Variants in SEMA5A observed in about 807,000 individuals in gnomAD.
SEMA5A encodes semaphorin 5A.
In SEMA5A, 55 loss-of-function variants were observed where a neutral mutation model predicts 135.5. That is an observed-to-expected ratio of 0.41 (90% CI 0.33 to 0.51). The LOEUF (loss-of-function observed/expected upper bound fraction) is 0.51. Among genes scored for constraint, SEMA5A ranks in the 20% least tolerant of loss-of-function variants. The pLI, the probability that SEMA5A is intolerant of heterozygous loss-of-function variation, is 0.37. For missense variants in SEMA5A, 1,290 were observed against 1,419.9 expected (o/e 0.91, Z 1.47); for synonymous variants, 580 against 546.5 (o/e 1.06, Z -0.85).
chr5:9,355,309 A>G (rs1754392128), intron 3 of SEMA5A, among the ~76,000 whole-genome samples: 1 of 152,146 alleles, frequency 6.6e-6, no homozygotes, highest in Middle Eastern at 3.2e-3. Flanking sequence ...GCTGCGTGGC[A>G]TTTTTTAAAA....
intron 6 of SEMA5A, among the ~76,000 whole-genome samples, chr5:9,227,318 A>G (rs917334993): frequency 3.3e-5 from 5 of 152,214 alleles, no homozygotes; most frequent in Non-Finnish European, 5.9e-5. Context: ...TGTATCTGAT[A>G]GTAGCACAAA....
At chr5:9,216,559 T>C (rs1746639996) in intron 8 of SEMA5A, among the ~76,000 whole-genome samples, 2 of 152,234 alleles carry the variant, frequency 1.3e-5, no homozygotes, top group Non-Finnish European at 1.5e-5. Flanking sequence ...TGTGCCTCAA[T>C]GATCTGTCTA....
intron 1 of SEMA5A, among the ~76,000 whole-genome samples, chr5:9,480,434 G>A (rs1004451371): frequency 1.6e-4 from 25 of 152,134 alleles, no homozygotes; most frequent in Admixed American, 5.9e-4. Flanking sequence ...CTGCTATTCT[G>A]GGGGTGGGGA....
chr5:9,467,359 G>A (rs530508560), intron 1 of SEMA5A, among the ~76,000 whole-genome samples: 15 of 152,122 alleles, frequency 9.9e-5, no homozygotes, highest in Admixed American at 2.0e-4. Flanking sequence ...TGATCCACCC[G>A]CCTCAGCCTC....
At chr5:9,264,420 A>C (rs1008711385) in intron 5 of SEMA5A, among the ~76,000 whole-genome samples, 5 of 152,178 alleles carry the variant, frequency 3.3e-5, no homozygotes, top group African/African-American at 1.2e-4. Flanking sequence ...GCTCCAAGTA[A>C]ATAACGCATT....
At chr5:9,269,552 A>T (rs1177096266) in intron 5 of SEMA5A, among the ~76,000 whole-genome samples, 1 of 152,116 alleles carries the variant, frequency 6.6e-6, no homozygotes, top group African/African-American at 2.4e-5. Context: ...ATTACCAAAA[A>T]ATGGTGAGGT....
At chr5:9,263,893 G>A (rs903153102) in intron 5 of SEMA5A, among the ~76,000 whole-genome samples, 10 of 152,260 alleles carry the variant, frequency 6.6e-5, no homozygotes, top group Middle Eastern at 3.4e-3. Context: ...CTCTGATGAC[G>A]TATCTTTTCT....
intron 2 of SEMA5A, among the ~76,000 whole-genome samples, chr5:9,417,728 C>T (rs534567596): frequency 6.6e-6 from 1 of 152,332 alleles, no homozygotes; most frequent in South Asian, 2.1e-4. Context: ...TACTTAACAA[C>T]TTCATTTTTA....
chr5:9,122,888 A>G (rs764526352), intron 13 of SEMA5A, 51 bp from the exon 14 acceptor site: 1 of 1,423,818 alleles, frequency 7.0e-7, no homozygotes. Flanking sequence ...AGCTGAACAC[A>G]TAATGGAGTA....
chr5:9,332,582 GT>G (rs1391845110), intron 4 of SEMA5A, among the ~76,000 whole-genome samples: 1 of 151,620 alleles, frequency 6.6e-6, no homozygotes, highest in Non-Finnish European at 1.5e-5. Context: ...CTCACATTGG[GT>G]CAGGTGTGCA....
chr5:9,065,752 AG>A (rs1456712338), intron 17 of SEMA5A, among the ~76,000 whole-genome samples: 29 of 152,232 alleles, frequency 1.9e-4, no homozygotes, highest in African/African-American at 7.0e-4. Flanking sequence ...AAGGACCACC[AG>A]GCTCAATTCC....
chr5:9,152,660 C>A (rs941014549), intron 12 of SEMA5A, among the ~76,000 whole-genome samples: 2 of 152,226 alleles, frequency 1.3e-5, no homozygotes, highest in Non-Finnish European at 2.9e-5. Context: ...AGAATACTCA[C>A]TTTGCAGAGT....
intron 8 of SEMA5A, among the ~76,000 whole-genome samples, chr5:9,203,929 C>T (rs1745865137): frequency 6.6e-6 from 1 of 150,782 alleles, no homozygotes; most frequent in Non-Finnish European, 1.5e-5. Context: ...CAGCAGATTA[C>T]ATATCTGTAA....
At chr5:9,464,982 G>C (rs1273053830) in intron 1 of SEMA5A, among the ~76,000 whole-genome samples, 1 of 152,176 alleles carries the variant, frequency 6.6e-6, no homozygotes, top group Non-Finnish European at 1.5e-5. Context: ...CCCCAAAAAT[G>C]CTTCCTTGAA....
At chr5:9,322,109 A>G (rs183017655) in intron 4 of SEMA5A, among the ~76,000 whole-genome samples, 104 of 152,262 alleles carry the variant, frequency 6.8e-4, no homozygotes, top group Non-Finnish European at 1.4e-3. Context: ...TTTTCCATAG[A>G]AGAAGATAAT....
chr5:9,190,784 G>A (rs189289807), intron 10 of SEMA5A, among the ~76,000 whole-genome samples: 14 of 152,220 alleles, frequency 9.2e-5, no homozygotes, highest in Admixed American at 5.9e-4. Flanking sequence ...CTCCTTTCCC[G>A]TCGAGTTACT....
chr5:9,439,065 C>T (rs1218436831), intron 1 of SEMA5A, among the ~76,000 whole-genome samples: 1 of 152,158 alleles, frequency 6.6e-6, no homozygotes, highest in Admixed American at 6.5e-5. Flanking sequence ...TGGGACATGC[C>T]TGCCTGAGAC....
At chr5:9,219,838 T>A (rs1746832677) in intron 8 of SEMA5A, among the ~76,000 whole-genome samples, 1 of 152,312 alleles carries the variant, frequency 6.6e-6, no homozygotes, top group East Asian at 1.9e-4. Flanking sequence ...TGGGGTAGGC[T>A]GAGCTGAAAG....
chr5:9,083,694 G>A (rs1250202477), intron 16 of SEMA5A, among the ~76,000 whole-genome samples: 1 of 152,044 alleles, frequency 6.6e-6, no homozygotes, highest in African/African-American at 2.4e-5. Context: ...TTCCTCCTGA[G>A]AATTCTCAGA....
Sources: allele counts gnomAD v4.1 joint callset (sites outside exome capture counted in the v4.1 genomes callset), GRCh38; gene constraint gnomAD v4.1.1; transcripts MANE v1.5; gene names NCBI Gene and HGNC (gene_info 2026-07-23, HGNC 2026-07-21).